KIF1B: variants seen among roughly 807,000 people sequenced by gnomAD.
The protein encoded by KIF1B is kinesin family member 1B, also known as kinesin-like protein KIF1B.
A neutral mutation model predicts 241.9 loss-of-function variants in KIF1B; 76 were observed. The observed-to-expected ratio is 0.31, with a 90% CI of 0.26 to 0.38. The LOEUF (loss-of-function observed/expected upper bound fraction) is 0.38, where lower values mean the gene tolerates loss of function less well. KIF1B is among the 10% of genes least tolerant of loss of function. The pLI is 1.00. For synonymous variants in KIF1B, 750 were observed against 796.7 expected (o/e 0.94, Z 0.99); for missense variants, 1,622 against 2,271.4 (o/e 0.71, Z 5.81).
At chr1:10,283,064 G>A (rs978066986) in intron 15 of KIF1B, among the ~76,000 whole-genome samples, 5 of 151,800 alleles carry the variant, frequency 3.3e-5, no homozygotes, top group African/African-American at 9.7e-5. Context: ...AAAATTAGCC[G>A]GGCGTGGTGG....
At chr1:10,338,182 G>A (rs61778377) in intron 31 of KIF1B, among the ~76,000 whole-genome samples, 107 of 152,228 alleles carry the variant, frequency 7.0e-4, no homozygotes, top group African/African-American at 2.5e-3. Flanking sequence ...CAGTACAAGA[G>A]ACTGAAGTGT....
rs1279592659 is a variant in KIF1B, at chr1:10,323,925, C to T, written c.2400C>T (p.Ser800=). Residue 800 remains serine, a synonymous_variant, in exon 25 of 49, where the codon TCC becomes TCT. Transcript: ENST00000676179. Reference sequence around the variant, plus strand: ...TTCTGCTGACTGACACACTGTACTCCCCTTTGCCTCCTGAATTACTTCCCA... The same window carrying T: ...TTCTGCTGACTGACACACTGTACTCTCCTTTGCCTCCTGAATTACTTCCCA... The part of the protein sequence containing the change: ...QFVLLTDTLY[S]PLPPELLPTE... 1 of 1,614,068 alleles carries T rather than the reference C, an allele frequency of 6.2e-7. No homozygotes were observed. The highest frequency in any genetic ancestry group is 1.1e-5 in the South Asian group (1 of 91,076).
chr1:10,332,905 G>A (rs1279054049), intron 27 of KIF1B, among the ~76,000 whole-genome samples: 3 of 150,890 alleles, frequency 2.0e-5, no homozygotes, highest in Admixed American at 6.6e-5. Flanking sequence ...TCCACCTCCC[G>A]GGTTCAAGCG....
chr1:10,340,088 C>T (rs1054554467), intron 32 of KIF1B, among the ~76,000 whole-genome samples: 5 of 152,188 alleles, frequency 3.3e-5, no homozygotes, highest in South Asian at 2.1e-4. Context: ...CCAATAAAAT[C>T]TTCCATCAGT....
At chr1:10,241,873 G>A (rs1301762349) in intron 2 of KIF1B, among the ~76,000 whole-genome samples, 1 of 152,044 alleles carries the variant, frequency 6.6e-6, no homozygotes, top group Non-Finnish European at 1.5e-5. Context: ...AGTGCGAAGT[G>A]GTGTAATGGC....
At chr1:10,299,614 A>C (rs1455892229) in intron 22 of KIF1B, among the ~76,000 whole-genome samples, 1 of 152,200 alleles carries the variant, frequency 6.6e-6, no homozygotes, top group African/African-American at 2.4e-5. Flanking sequence ...TACCATATGT[A>C]ATCACTTTTT....
intron 22 of KIF1B, chr1:10,305,909 T>C (rs1381067195): frequency 9.5e-7 from 1 of 1,053,398 alleles, no homozygotes; most frequent in East Asian, 5.4e-5. Flanking sequence ...CCTGACTTCA[T>C]GTTTTGGAAG....
At chr1:10,372,658 ACAGAGCTGTCACCCAAGCTGGCGCG>A (rs1336891098) in intron 45 of KIF1B, among the ~76,000 whole-genome samples, 1 of 116,668 alleles carries the variant, frequency 8.6e-6, no homozygotes, top group East Asian at 3.2e-4. Context: ...AGCTTGGGTG[ACAGAGCTGTCACCCAAGCTGGCGCG>A]CAGCGGCGCA....
intron 1 of KIF1B, among the ~76,000 whole-genome samples, chr1:10,231,808 A>AAC (rs1491509244): frequency 6.6e-6 from 1 of 152,290 alleles, no homozygotes; most frequent in East Asian, 1.9e-4. Flanking sequence ...TCGATCCAGA[A>AAC]ACACACACAG....
chr1:10,305,355 C>T, intron 22 of KIF1B: 1 of 1,050,806 alleles, frequency 9.5e-7, no homozygotes, highest in Admixed American at 5.5e-5. Flanking sequence ...TAAATTGGCA[C>T]TGTGTCTGGG....
intron 38 of KIF1B, 121 bp downstream of exon 38, chr1:10,352,857 T>A (rs774835841): frequency 8.7e-5 from 62 of 712,192 alleles, no homozygotes; most frequent in Non-Finnish European, 1.5e-4. Flanking sequence ...CCTTCTCCCT[T>A]CTAGCTTCAA....
chr1:10,315,171 CTTTTTTTTTTT>C lies in KIF1B; in HGVS notation c.2116-4856_2116-4846del, dbSNP rs765236286. 3.3e-3 allele frequency among the ~76,000 whole-genome samples: 262 copies of C among 80,044 alleles called. 6 individuals carry two copies. Among genetic ancestry groups the C allele is most frequent in the African/African-American group, 0.012 (232 of 19,120 alleles). The allele number at this position is 80,044 out of a possible 152,430, so 52.5% of individuals were successfully genotyped here. On this transcript the variant is annotated intron_variant, in intron 22 of 48. Transcript: ENST00000676179. ...CTTATCTCTTAAAATCAAGAATATT[CTTTTTTTTTTT>C]TTTTTTTTTTTTTTTAAGACGGAGT...
At chr1:10,367,222 A>C (rs1638600577) in intron 43 of KIF1B, among the ~76,000 whole-genome samples, 1 of 151,194 alleles carries the variant, frequency 6.6e-6, no homozygotes, top group Non-Finnish European at 1.5e-5. Flanking sequence ...CAGCCTCCCA[A>C]GTAGCTTGGA....
chr1:10,293,143 T>C (rs1037769404), intron 17 of KIF1B, among the ~76,000 whole-genome samples: 3 of 151,872 alleles, frequency 2.0e-5, no homozygotes, highest in Non-Finnish European at 2.9e-5. Flanking sequence ...AAAAGACTGA[T>C]GTAAAGACAT....
chr1:10,302,028 A>C (rs1028856729), intron 22 of KIF1B, among the ~76,000 whole-genome samples: 1 of 152,218 alleles, frequency 6.6e-6, no homozygotes, highest in African/African-American at 2.4e-5. Flanking sequence ...ATGTAACCAG[A>C]GTATGATCTT....
intron 22 of KIF1B, among the ~76,000 whole-genome samples, chr1:10,316,599 C>T (rs770428322): frequency 1.3e-5 from 2 of 151,306 alleles, no homozygotes; most frequent in Non-Finnish European, 2.9e-5. Context: ...CTCCCGGGCT[C>T]AAGTGATCCT....
intron 22 of KIF1B, chr1:10,305,372 T>G (rs942433463): frequency 1.4e-4 from 145 of 1,051,934 alleles, no homozygotes; most frequent in African/African-American, 6.0e-4. Context: ...TGGGATTCTG[T>G]TTGTGGTTTG....
At chr1:10,333,147 C>G (rs1652019693) in intron 27 of KIF1B, among the ~76,000 whole-genome samples, 1 of 151,608 alleles carries the variant, frequency 6.6e-6, no homozygotes, top group Non-Finnish European at 1.5e-5. Flanking sequence ...AATAAATGGC[C>G]AGGCACGGTG....
chr1:10,346,358 G>T (rs116721325), intron 35 of KIF1B, among the ~76,000 whole-genome samples: 4,171 of 140,628 alleles, frequency 0.03, 210 homozygotes, highest in African/African-American at 0.1. Flanking sequence ...GTTTTTTGGG[G>T]TTTTTTTTGT....
Sources: allele counts gnomAD v4.1 joint callset (sites outside exome capture counted in the v4.1 genomes callset), GRCh38; gene constraint gnomAD v4.1.1; transcripts MANE v1.5; gene names NCBI Gene and HGNC (gene_info 2026-07-23, HGNC 2026-07-21).